Variants in PLCB1 observed in about 807,000 individuals in gnomAD.
PLCB1 encodes the protein phospholipase C beta 1, also known as 1-phosphatidylinositol 4,5-bisphosphate phosphodiesterase beta-1.
PLCB1 carries 46 observed loss-of-function variants against 161.8 expected under a neutral mutation model. The observed-to-expected ratio is 0.28, with a 90% confidence interval of 0.22 to 0.36. PLCB1 has a LOEUF of 0.36. PLCB1 is among the 10% of genes least tolerant of loss of function. The pLI, the probability that PLCB1 is intolerant of heterozygous loss-of-function variation, is 1.00. For missense variants in PLCB1, 1,016 were observed against 1,472.5 expected, an observed-to-expected ratio of 0.69 and a Z score of 5.07; for synonymous variants, 517 against 503.7, an observed-to-expected ratio of 1.03 and a Z score of -0.35.
At chr20:8,776,840 A>AAT (rs1241526618) in intron 27 of PLCB1, among the ~76,000 whole-genome samples, 1 of 152,206 alleles carries the variant, frequency 6.6e-6, no homozygotes, top group Admixed American at 6.5e-5. Flanking sequence ...GTTAGGTAGT[A>AAT]ATAAGGGCTT....
intron 1 of PLCB1, among the ~76,000 whole-genome samples, chr20:8,147,972 A>G (rs1568569861): frequency 1.3e-5 from 2 of 148,994 alleles, no homozygotes; most frequent in Admixed American, 6.9e-5. Context: ...TCCCGGGTTC[A>G]TGCCATTCTC....
At chr20:8,577,595 G>T (rs1254775940) in intron 3 of PLCB1, among the ~76,000 whole-genome samples, 1 of 152,032 alleles carries the variant, frequency 6.6e-6, no homozygotes, top group Admixed American at 6.6e-5. Flanking sequence ...TCCTAGTTTA[G>T]TTTATAAGTC....
chr20:8,611,285 T>C (rs1987896983), intron 3 of PLCB1, among the ~76,000 whole-genome samples: 1 of 152,052 alleles, frequency 6.6e-6, no homozygotes, highest in Admixed American at 6.5e-5. Flanking sequence ...TTGGGCACCA[T>C]CTTCTTTAAT....
rs533718301 is a variant in PLCB1 at position 8,659,496 on chromosome 20, A to T, written c.862+792A>T. Among the ~76,000 whole-genome samples, 4 of 152,284 alleles carry T rather than the reference A, an allele frequency of 2.6e-5. No homozygotes were observed. In the East Asian group the frequency reaches 7.7e-4, roughly 29 times the overall value. ...CAGATTGCCTAGATATTCCATAGGGAGGAAAATAAAGTACAATTAACCAAT... is the reference window on the plus strand; with the variant it reads ...CAGATTGCCTAGATATTCCATAGGGTGGAAAATAAAGTACAATTAACCAAT... On this transcript the variant is annotated intron_variant, in intron 9 of 31. Transcript: ENST00000338037.
chr20:8,685,377 A>C (rs889262322), intron 10 of PLCB1, among the ~76,000 whole-genome samples: 1 of 152,056 alleles, frequency 6.6e-6, no homozygotes, highest in African/African-American at 2.4e-5. Context: ...TCTTCAGTGT[A>C]CTTGAAGCCA....
At chr20:8,221,558 C>G (rs1039496200) in intron 2 of PLCB1, among the ~76,000 whole-genome samples, 5 of 152,136 alleles carry the variant, frequency 3.3e-5, no homozygotes, top group Admixed American at 2.0e-4. Flanking sequence ...CAGGCTGGCT[C>G]TTTGCCAGTG....
chr20:8,442,985 TG>T (rs1310588930), intron 3 of PLCB1, among the ~76,000 whole-genome samples: 1 of 135,756 alleles, frequency 7.4e-6, no homozygotes, highest in Non-Finnish European at 1.7e-5. Flanking sequence ...TTTTTTTTTT[TG>T]TTTTTTTTTT....
At chr20:8,530,350 T>C (rs1984755759) in intron 3 of PLCB1, among the ~76,000 whole-genome samples, 1 of 152,098 alleles carries the variant, frequency 6.6e-6, no homozygotes, top group African/African-American at 2.4e-5. Context: ...GACCATTTCT[T>C]CTTAAGTCTT....
At chr20:8,369,451 G>T (rs552281407) in intron 2 of PLCB1, among the ~76,000 whole-genome samples, 1 of 152,184 alleles carries the variant, frequency 6.6e-6, no homozygotes, top group African/African-American at 2.4e-5. Context: ...AAGAAACCTG[G>T]ACATATGCTT....
chr20:8,173,370 CT>C (rs1172783329), intron 2 of PLCB1, among the ~76,000 whole-genome samples: 4 of 152,140 alleles, frequency 2.6e-5, no homozygotes, highest in African/African-American at 4.8e-5. Context: ...TGTCAGCCCT[CT>C]CAGGTACAGG....
intron 2 of PLCB1, among the ~76,000 whole-genome samples, chr20:8,152,783 C>T (rs1195370619): frequency 3.3e-5 from 5 of 152,048 alleles, no homozygotes; most frequent in African/African-American, 1.2e-4. Context: ...CTTTGGTCCA[C>T]GAAGCTTATA....
intron 23 of PLCB1, chr20:8,751,855 A>G (rs897255908): frequency 6.6e-6 from 1 of 152,194 alleles, no homozygotes; most frequent in Non-Finnish European, 1.5e-5. Context: ...TTCCAGTACC[A>G]GATTTTTATT....
chr20:8,328,524 G>T (rs2122183481), intron 2 of PLCB1, among the ~76,000 whole-genome samples: 1 of 151,062 alleles, frequency 6.6e-6, no homozygotes, highest in Admixed American at 6.6e-5. Context: ...TTTAATTTTA[G>T]TTATCCTGCA....
chr20:8,226,420 G>A (rs560715154), intron 2 of PLCB1, among the ~76,000 whole-genome samples: 19 of 152,208 alleles, frequency 1.2e-4, no homozygotes, highest in Admixed American at 3.3e-4. Context: ...GTTGAGCTTG[G>A]AGGACATGAA....
intron 31 of PLCB1, among the ~76,000 whole-genome samples, chr20:8,823,690 A>G (rs1985549346): frequency 6.6e-6 from 1 of 152,312 alleles, no homozygotes; most frequent in Admixed American, 6.5e-5. Flanking sequence ...CCCTAGTGGC[A>G]TCTTTGTTTC....
intron 31 of PLCB1, among the ~76,000 whole-genome samples, chr20:8,850,411 G>C (rs1986848299): frequency 6.6e-6 from 1 of 152,284 alleles, no homozygotes; most frequent in South Asian, 2.1e-4. Context: ...AGCAGACCAG[G>C]CTCCCTTTAC....
chr20:8,828,683 GA>G (rs1411897163), intron 31 of PLCB1, among the ~76,000 whole-genome samples: 314 of 152,330 alleles, frequency 2.1e-3, no homozygotes, highest in African/African-American at 7.1e-3. Context: ...GTGGTGTCAT[GA>G]CAAAGCACTC....
intron 3 of PLCB1, among the ~76,000 whole-genome samples, chr20:8,551,663 T>TTAG (rs1274256068): frequency 2.6e-5 from 4 of 152,146 alleles, no homozygotes; most frequent in Non-Finnish European, 5.9e-5. Context: ...GTGTCATCCC[T>TTAG]TAGGTGACAA....
At chr20:8,438,550 T>G (rs776352889) in intron 3 of PLCB1, among the ~76,000 whole-genome samples, 1 of 152,190 alleles carries the variant, frequency 6.6e-6, no homozygotes. Flanking sequence ...TCTAACATAC[T>G]CTTACATGGC....
Sources: gnomAD v4.1 joint callset for allele counts (sites outside exome capture counted in the v4.1 genomes callset) on GRCh38, gnomAD v4.1.1 for gene constraint, MANE v1.5 for transcripts, NCBI Gene and HGNC (gene_info 2026-07-23, HGNC 2026-07-21) for gene names.